Variants in ANKRD36 observed in about 807,000 individuals in gnomAD.
The protein encoded by ANKRD36 is ankyrin repeat domain 36.
In ANKRD36, 179 loss-of-function variants were observed where a neutral mutation model predicts 278.1. The ratio of observed to expected loss-of-function variants is 0.64; its 90% CI spans 0.57 to 0.73. ANKRD36 has a LOEUF of 0.73. ANKRD36 is among the 30% of genes least tolerant of loss of function. ANKRD36 has a pLI of 0.00. For missense variants in ANKRD36, 1,159 were observed against 1,956.7 expected (o/e 0.59, Z 7.69); for synonymous variants, 320 against 641.1 (o/e 0.50, Z 7.57).
intron 22 of ANKRD36, among the ~76,000 whole-genome samples, chr2:97,176,850 G>T (rs1381712869): frequency 2.6e-5 from 4 of 151,612 alleles, no homozygotes; most frequent in Admixed American, 6.6e-5. Context: ...GCATTTGCTT[G>T]TCTGTAAAGT....
chr2:97,170,890 G>C (rs1268504850), intron 22 of ANKRD36, among the ~76,000 whole-genome samples: 14 of 148,624 alleles, frequency 9.4e-5, no homozygotes, highest in African/African-American at 3.2e-4. Flanking sequence ...AGTGGGCGAA[G>C]GACATGAACA....
chr2:97,156,266 T>A (rs1575055191), intron 15 of ANKRD36, among the ~76,000 whole-genome samples: 1 of 145,346 alleles, frequency 6.9e-6, no homozygotes, highest in Non-Finnish European at 1.6e-5. Context: ...CATGTGCACA[T>A]TGTGCAGGTT....
At chr2:97,219,733 G>A (rs1424641432) in intron 66 of ANKRD36, among the ~76,000 whole-genome samples, 17 of 135,782 alleles carry the variant, frequency 1.3e-4, no homozygotes, top group East Asian at 7.1e-4. Flanking sequence ...CTCCCGCCTC[G>A]CCCTCCCAAA....
chr2:97,237,083 AC>A, intron 68 of ANKRD36, among the ~76,000 whole-genome samples: 1 of 134,700 alleles, frequency 7.4e-6, no homozygotes, highest in South Asian at 3.1e-4. Flanking sequence ...TCTGGAATAA[AC>A]CCCATTTGTT....
At chr2:97,161,623 G>A (rs2048907935) in intron 17 of ANKRD36, among the ~76,000 whole-genome samples, 1 of 152,148 alleles carries the variant, frequency 6.6e-6, no homozygotes. Context: ...TTATTTTGCG[G>A]TTTGGCCTGT....
chr2:97,188,897 T>C (rs2057995218), intron 32 of ANKRD36, among the ~76,000 whole-genome samples, 190 bp from the exon 33 acceptor site: 1 of 89,694 alleles, frequency 1.1e-5, no homozygotes, highest in African/African-American at 2.6e-5. Flanking sequence ...AGGATATATT[T>C]CATGGAGCCT....
In ANKRD36 at chr2:97,113,681, G is replaced by T; in HGVS notation, c.-59G>T. ...TTGCTCGTTGTTGCTCTTCGGAGGC[G>T]GCGATCCCCGAAGGCGAGCTGAAAT... is the stretch of plus-strand genomic sequence containing the variant. On this transcript the variant is annotated 5_prime_UTR_variant, in exon 1 of 76. Transcript: ENST00000420699. 6.2e-7 allele frequency: 1 copy of T among 1,605,518 alleles called. No homozygotes were observed. The highest frequency in any genetic ancestry group is 2.3e-5 in the East Asian group (1 of 43,848).
chr2:97,140,503 G>A lies in ANKRD36; in HGVS notation c.800-2137G>A, dbSNP rs554630249. On this transcript the variant is annotated intron_variant, in intron 6 of 75. Transcript: ENST00000420699. The stretch of plus-strand genomic sequence containing the variant: ...GAAAATAGGTAAGATAGGCTGCTGA[G>A]CCTATGATAATAACTCATAATATGA... Among the ~76,000 whole-genome samples the A allele has an allele frequency of 6.0e-4, 91 of 152,030 alleles. 3 individuals carry two copies. In the South Asian group the frequency reaches 0.019, roughly 32 times the overall value.
intron 6 of ANKRD36, among the ~76,000 whole-genome samples, chr2:97,142,141 T>A (rs1404269641): frequency 6.6e-6 from 1 of 152,298 alleles, no homozygotes; most frequent in African/African-American, 2.4e-5. Context: ...ACTGAGGAGA[T>A]GTGAAGTGTA....
intron 20 of ANKRD36, 98 bp from the exon 21 acceptor site, chr2:97,167,479 C>T (rs2051091274): frequency 6.5e-7 from 1 of 1,535,440 alleles, no homozygotes; most frequent in African/African-American, 1.4e-5. Flanking sequence ...GAAGTACTTT[C>T]CTGTGTTAGT....
rs1398032469 is a variant in ANKRD36 at position 97,152,268 on chromosome 2, C to T, written c.1163-236C>T. ...TAGGCCTCCCAAGCTGCTAGGATTA[C>T]AGGCATGACCCACCACACCAGGCCT... On this transcript the variant is annotated intron_variant, in intron 13 of 75. Transcript: ENST00000420699. Among the ~76,000 whole-genome samples, 2 of 146,770 alleles carry T rather than the reference C, an allele frequency of 1.4e-5. 1 individual carries two copies. Among genetic ancestry groups the T allele is most frequent in the Non-Finnish European group, 3.1e-5 (2 of 64,854 alleles).
In ANKRD36 at chr2:97,188,820, A is replaced by G. The variant is rs564901666; in HGVS notation, c.2144-267A>G. ...TGTCCTCATCACTCGGCATATCCACATTGATATTGACACGGTTTTATTTTA... is the reference window on the plus strand; with the variant it reads ...TGTCCTCATCACTCGGCATATCCACGTTGATATTGACACGGTTTTATTTTA... On this transcript the variant is annotated intron_variant, in intron 32 of 75. Coordinates refer to ENST00000420699, the MANE Select transcript of ANKRD36 (RefSeq NM_001354587.1). Among the ~76,000 whole-genome samples, 37 of 95,024 alleles carry G rather than the reference A, an allele frequency of 3.9e-4. 6 individuals carry two copies. The highest frequency in any genetic ancestry group is 3.3e-4 in the African/African-American group (13 of 39,104). The allele number at this position is 95,024 out of a possible 152,430, so 62.3% of individuals were successfully genotyped here.
intron 15 of ANKRD36, among the ~76,000 whole-genome samples, chr2:97,156,469 T>G: frequency 7.8e-6 from 1 of 128,012 alleles, no homozygotes; most frequent in African/African-American, 2.6e-5. Flanking sequence ...GAATATGCGG[T>G]GTTTGGTTTT....
intron 17 of ANKRD36, among the ~76,000 whole-genome samples, chr2:97,161,412 A>G (rs1266281420): frequency 6.6e-6 from 1 of 151,884 alleles, no homozygotes; most frequent in Non-Finnish European, 1.5e-5. Context: ...ACCTTTAACC[A>G]TTTCTCATAT....
chr2:97,188,660 A>G (rs2057948715), intron 32 of ANKRD36, among the ~76,000 whole-genome samples: 1 of 90,054 alleles, frequency 1.1e-5, no homozygotes, highest in Non-Finnish European at 3.9e-5. Context: ...CAAGTTAAAG[A>G]GCATGATGAA....
intron 22 of ANKRD36, among the ~76,000 whole-genome samples, chr2:97,178,913 T>G (rs1461798854): frequency 6.6e-6 from 1 of 151,668 alleles, no homozygotes; most frequent in Non-Finnish European, 1.5e-5. Context: ...TAATGTTGAA[T>G]TCATTACTTG....
rs1054766567 is a variant in ANKRD36 at position 97,189,860 on chromosome 2, T to C, written c.2245+570T>C. ...ACTCACTTCACATGCATTTGGAATA[T>C]GTGCCTAAAAAATATTTGATTTTGG... On this transcript the variant is annotated intron_variant, in intron 34 of 75. Coordinates refer to ENST00000420699, the MANE Select transcript of ANKRD36 (RefSeq NM_001354587.1). 1.5e-4 allele frequency among the ~76,000 whole-genome samples: 13 copies of C among 85,666 alleles called. 5 individuals carry two copies. Among genetic ancestry groups the C allele is most frequent in the Non-Finnish European group, 5.3e-4 (13 of 24,360 alleles). 56.2% of individuals were successfully genotyped at this position (85,666 alleles called of 152,430 possible).
At chr2:97,125,763 TA>T (rs1362750938) in intron 5 of ANKRD36, among the ~76,000 whole-genome samples, 1 of 151,904 alleles carries the variant, frequency 6.6e-6, no homozygotes, top group Non-Finnish European at 1.5e-5. Context: ...CTCAAGTTTA[TA>T]AAATATTTTC....
In ANKRD36 at chr2:97,202,341, T is replaced by C; in HGVS notation, c.2907T>C (p.Asp969=). ...TTCAGGGTACAAGTGACGAGGAAGA[T>C]TCTGTTTTGGGTATAGCCAGAGAAA... is the stretch of plus-strand genomic sequence containing the variant. The part of the protein sequence containing the change: ...PALKGTSDEE[D]SVLGIARENK... Residue 969 remains aspartate, a synonymous_variant, in exon 48 of 76, where the codon GAT becomes GAC. Transcript: ENST00000420699. 1 of 1,567,596 alleles carries C rather than the reference T, an allele frequency of 6.4e-7. No homozygotes were observed. The highest frequency in any genetic ancestry group is 8.6e-7 in the Non-Finnish European group (1 of 1,160,336).
Sources: gnomAD v4.1 joint callset for allele counts (sites outside exome capture counted in the v4.1 genomes callset) on GRCh38, gnomAD v4.1.1 for gene constraint, MANE v1.5 for transcripts, NCBI Gene and HGNC (gene_info 2026-07-23, HGNC 2026-07-21) for gene names.